PRELP: variants seen among roughly 807,000 people sequenced by gnomAD.
PRELP encodes proline and arginine rich end leucine rich repeat protein, also known as prolargin.
Under a neutral mutation model 22.8 loss-of-function variants are expected in PRELP, and 16 were observed. That is an observed-to-expected ratio of 0.70 (90% CI 0.47 to 1.06). The LOEUF is 1.06. PRELP is among the 50% of genes least tolerant of loss of function. The probability of loss-of-function intolerance (pLI) is 0.00; values close to 1 mark genes in which losing one functional copy is unlikely to be tolerated. For missense variants in PRELP, 434 were observed against 485.2 expected, an observed-to-expected ratio of 0.89 and a Z score of 0.99; for synonymous variants, 233 against 211.4, an observed-to-expected ratio of 1.10 and a Z score of -0.89.
At chr1:203,484,964 G>A (rs113551214) in intron 2 of PRELP, among the ~76,000 whole-genome samples, 21 of 152,252 alleles carry the variant, frequency 1.4e-4, no homozygotes, top group African/African-American at 4.1e-4. Flanking sequence ...ATTCACAGAA[G>A]GGATGCAGCA....
intron 1 of PRELP, among the ~76,000 whole-genome samples, chr1:203,477,268 A>G (rs190786922): frequency 2.4e-4 from 37 of 152,266 alleles, no homozygotes; most frequent in Admixed American, 2.4e-3. Context: ...GGCCTGAGAG[A>G]GAGCTTTGCT....
intron 1 of PRELP, among the ~76,000 whole-genome samples, chr1:203,478,119 G>T (rs1660943261): frequency 6.6e-6 from 1 of 152,166 alleles, no homozygotes; most frequent in African/African-American, 2.4e-5. Context: ...CACTTTGCAT[G>T]TATTAACTCA....
Position 203,488,107 on chromosome 1 carries a change from CTGGGCTCATTCCCATCG to C in PRELP, c.*1229_*1245del, listed in dbSNP as rs939618927. On this transcript the variant is annotated 3_prime_UTR_variant, in exon 3 of 3. Transcript: ENST00000343110. ...TCTAGCGGGCACAAACGTCCCCAGG[CTGGGCTCATTCCCATCG>C]TGAGTGAGCCCAGGTGAGGACATAG... is the stretch of plus-strand genomic sequence containing the variant. 3.3e-5 allele frequency: 5 copies of C among 152,306 alleles called. No individual in the cohort carries two copies. The highest frequency in any genetic ancestry group is 1.2e-4 in the African/African-American group (5 of 41,468). The allele number at this position is 152,306 out of a possible 1,614,324, so 9.4% of individuals were successfully genotyped here. A position where few individuals can be genotyped will look rare whatever the true frequency, so the allele number is the denominator to read the frequency against.
Position 203,475,919 on chromosome 1 carries a change from G to T in PRELP, c.-36G>T. 1 of 152,984 alleles carries T rather than the reference G, an allele frequency of 6.5e-6. No homozygotes were observed. The highest frequency in any genetic ancestry group is 1.5e-5 in the Non-Finnish European group (1 of 68,224). The allele number at this position is 152,984 out of a possible 1,614,324, so 9.5% of individuals were successfully genotyped here. The stretch of plus-strand genomic sequence containing the variant: ...AGGAGGACTAAACTCAGAGCTGAGA[G>T]GAGAGGCAGGTGTGTGCAGGTAAGC... On this transcript the variant is annotated 5_prime_UTR_variant, in exon 1 of 3. The change creates a new upstream start codon in the 5' untranslated region. Coordinates refer to ENST00000343110, the MANE Select transcript of PRELP (RefSeq NM_002725.4).
In PRELP at chr1:203,483,177, C is replaced by T; in HGVS notation, c.-8C>T. 6.5e-7 allele frequency: 1 copy of T among 1,528,808 alleles called. No homozygotes were observed. Among genetic ancestry groups the T allele is most frequent in the Non-Finnish European group, 8.8e-7 (1 of 1,140,488 alleles). The allele number at this position is 1,528,808 out of a possible 1,614,324, so 94.7% of individuals were successfully genotyped here. On this transcript the variant is annotated 5_prime_UTR_variant, in exon 2 of 3. Coordinates refer to ENST00000343110, the MANE Select transcript of PRELP (RefSeq NM_002725.4). The surrounding 1 kb of genome is among the most constrained non-coding windows in gnomAD (Gnocchi z 4.4). ...GTGTCTTCTCCCTGCAGGTGCATCA[C>T]CTGGATCATGAGGTCACCCCTCTGC...
chr1:203,484,576 A>C (rs1661062916), intron 2 of PRELP, among the ~76,000 whole-genome samples: 2 of 152,216 alleles, frequency 1.3e-5, no homozygotes, highest in East Asian at 3.9e-4. Flanking sequence ...AGACATTTAA[A>C]TACCTATCCT....
chr1:203,478,095 A>G (rs2102204497), intron 1 of PRELP, among the ~76,000 whole-genome samples: 1 of 152,326 alleles, frequency 6.6e-6, no homozygotes, highest in Non-Finnish European at 1.5e-5. Context: ...AGACCTTAAC[A>G]TTCAGAAAAC....
chr1:203,476,399 C>T (rs1443864771), intron 1 of PRELP, among the ~76,000 whole-genome samples: 2 of 152,186 alleles, frequency 1.3e-5, no homozygotes, highest in African/African-American at 2.4e-5. Flanking sequence ...TCACCTCTGC[C>T]CTCTGCATCT....
At position 203,484,050 on chromosome 1, in the gene PRELP, A is replaced by G; in HGVS notation, c.866A>G (p.Asn289Ser). 6.2e-7 allele frequency: 1 copy of G among 1,614,120 alleles called. No homozygotes were observed. The highest frequency in any genetic ancestry group is 1.7e-4 in the Middle Eastern group (1 of 6,060). ...AGGGGACTCCCCAAGAACTCCTTTA[A>G]TATCTCCAACCTGCTTGTGCTCCAC... Reference protein sequence around the residue: ...TDRGLPKNSFNISNLLVLHLS... With the variant: ...TDRGLPKNSFSISNLLVLHLS... Residue 289 changes from asparagine to serine, a missense_variant, in exon 2 of 3, where the codon AAT (asparagine) becomes AGT (serine). Transcript: ENST00000343110.
chr1:203,479,829 T>C (rs1421779453), intron 1 of PRELP, among the ~76,000 whole-genome samples: 1 of 151,620 alleles, frequency 6.6e-6, no homozygotes, highest in Non-Finnish European at 1.5e-5. Context: ...CTTTATAACA[T>C]GCCTTCAAAT....
chr1:203,477,431 C>T (rs1009317123), intron 1 of PRELP, among the ~76,000 whole-genome samples: 1 of 152,116 alleles, frequency 6.6e-6, no homozygotes, highest in East Asian at 1.9e-4. Context: ...TCCTTGCAAG[C>T]ACAAGCAGCC....
chr1:203,488,348 C>T lies in PRELP; in HGVS notation c.*1467C>T, dbSNP rs1891173. 54,760 of 151,968 alleles carry T rather than the reference C, an allele frequency of 0.36. 9,991 individuals carry two copies. Among genetic ancestry groups the T allele is most frequent in the East Asian group, 0.51 (2,618 of 5,140 alleles). 9.4% of individuals were successfully genotyped at this position (151,968 alleles called of 1,614,324 possible). On this transcript the variant is annotated 3_prime_UTR_variant, in exon 3 of 3. Coordinates refer to ENST00000343110, the MANE Select transcript of PRELP (RefSeq NM_002725.4). ...ACCCTGGGCAACATGGTGAAACCCC[C>T]GTCTCTACTAAAATACAAAAAAATT... is the stretch of plus-strand genomic sequence containing the variant.
chr1:203,485,230 A>G (rs550623314), intron 2 of PRELP, among the ~76,000 whole-genome samples: 41 of 152,288 alleles, frequency 2.7e-4, no homozygotes, highest in Middle Eastern at 3.4e-3. Context: ...ACACTAAAAT[A>G]AAACACATTA....
chr1:203,480,717 G>A lies in PRELP; in HGVS notation c.-16-2452G>A, dbSNP rs78792708. On this transcript the variant is annotated intron_variant, in intron 1 of 2. Coordinates refer to ENST00000343110, the MANE Select transcript of PRELP (RefSeq NM_002725.4). ...GGGCTGAGGGAAGGGGAGGAGAGCAGGCTCAGCTTCCCCACATAACTTGCT... is the reference window on the plus strand; with the variant it reads ...GGGCTGAGGGAAGGGGAGGAGAGCAAGCTCAGCTTCCCCACATAACTTGCT... Among the ~76,000 whole-genome samples, 683 of 152,372 alleles carry A rather than the reference G, an allele frequency of 4.5e-3. 4 individuals are homozygous for A. Among genetic ancestry groups the A allele is most frequent in the African/African-American group, 0.016 (649 of 41,584 alleles).
chr1:203,484,031 C>T lies in PRELP; in HGVS notation c.847C>T (p.Leu283Phe). 6.2e-7 allele frequency: 1 copy of T among 1,614,208 alleles called. No homozygotes were observed. The highest frequency in any genetic ancestry group is 2.2e-5 in the East Asian group (1 of 44,892). The change falls in exon 2 of 3, where the codon CTC (leucine) becomes TTC (phenylalanine). Residue 283 changes from leucine to phenylalanine, a missense_variant. Leu to Phe is a conservative substitution (Grantham distance 22). Coordinates refer to ENST00000343110, the MANE Select transcript of PRELP (RefSeq NM_002725.4). ...CTACAACAAGCTGACAGACAGGGGA[C>T]TCCCCAAGAACTCCTTTAATATCTC... ...LNYNKLTDRG[L>F]PKNSFNISNL...
intron 1 of PRELP, among the ~76,000 whole-genome samples, chr1:203,476,667 G>GCCC (rs1484599934): frequency 1.3e-5 from 2 of 152,124 alleles, no homozygotes; most frequent in Non-Finnish European, 2.9e-5. Context: ...GCTTCACTGG[G>GCCC]TAGGAGGGAG....
chr1:203,479,126 A>G (rs766465725), intron 1 of PRELP, among the ~76,000 whole-genome samples: 1 of 152,146 alleles, frequency 6.6e-6, no homozygotes, highest in Admixed American at 6.5e-5. Flanking sequence ...GGGGTGACCA[A>G]TTAGACAGGA....
At chr1:203,484,519 G>A (rs1433750765) in intron 2 of PRELP, among the ~76,000 whole-genome samples, 1 of 152,228 alleles carries the variant, frequency 6.6e-6, no homozygotes, top group Non-Finnish European at 1.5e-5. Context: ...CTATAGGTAG[G>A]GTAGACATGG....
intron 1 of PRELP, among the ~76,000 whole-genome samples, chr1:203,478,139 C>CAA (rs1293875386): frequency 6.6e-6 from 1 of 152,204 alleles, no homozygotes; most frequent in African/African-American, 2.4e-5. Flanking sequence ...ATTTAACCCT[C>CAA]AAAACAGAAA....
Sources: gnomAD v4.1 joint callset for allele counts (sites outside exome capture counted in the v4.1 genomes callset) on GRCh38, gnomAD v4.1.1 for gene constraint, Gnocchi (gnomAD v3.1) non-coding constraint, MANE v1.5 for transcripts, NCBI Gene and HGNC (gene_info 2026-07-23, HGNC 2026-07-21) for gene names.